The following CDH13 variants were observed in gnomAD, a reference collection of about 807,000 sequenced individuals.
CDH13 encodes the protein cadherin-13.
Under a neutral mutation model 63.8 loss-of-function variants are expected in CDH13, and 24 were observed. The ratio of observed to expected loss-of-function variants is 0.38; its 90% CI spans 0.27 to 0.53. The LOEUF (loss-of-function observed/expected upper bound fraction) is 0.53, where lower values mean the gene tolerates loss of function less well. Among genes scored for constraint, CDH13 ranks in the 20% least tolerant of loss-of-function variants. The pLI, the probability that CDH13 is intolerant of heterozygous loss-of-function variation, is 0.85. For missense variants in CDH13, 1,049 were observed against 903.1 expected, an observed-to-expected ratio of 1.16 and a Z score of -2.07; for synonymous variants, 503 against 355.3, an observed-to-expected ratio of 1.42 and a Z score of -4.67.
chr16:83,770,362 T>C (rs1337247445), intron 11 of CDH13, among the ~76,000 whole-genome samples: 2 of 152,158 alleles, frequency 1.3e-5, no homozygotes, highest in Non-Finnish European at 2.9e-5. Context: ...TTCCATTCAC[T>C]TTATAGAATA....
intron 1 of CDH13, among the ~76,000 whole-genome samples, chr16:82,772,685 A>C (rs143597531): frequency 6.6e-6 from 1 of 152,362 alleles, no homozygotes; most frequent in African/African-American, 2.4e-5. Flanking sequence ...TTTCATCATC[A>C]TCATCCTCAC....
rs538206338 is a variant in CDH13, at chr16:82,866,377, C to CTTTTTTT, written c.157+7927_157+7933dup. On this transcript the variant is annotated intron_variant, in intron 2 of 13. Coordinates refer to ENST00000567109, the MANE Select transcript of CDH13 (RefSeq NM_001257.5). ...TCTGTTTTCTTTTCTTTTTCTTCTT[C>CTTTTTTT]TTTTTTTTTTTTTTTTTTTTTTTTT... 6.8e-3 allele frequency among the ~76,000 whole-genome samples: 395 copies of CTTTTTTT among 58,318 alleles called. 37 individuals are homozygous for CTTTTTTT. The highest frequency in any genetic ancestry group is 0.014 in the Admixed American group (51 of 3,754). 38.3% of individuals were successfully genotyped at this position (58,318 alleles called of 152,430 possible). A position where few individuals can be genotyped will look rare whatever the true frequency, so the allele number is the denominator to read the frequency against.
At position 83,567,196 on chromosome 16, in the gene CDH13, A is replaced by T. The variant is rs368586826; in HGVS notation, c.961-35258A>T. ...ACTCTTCTGGGCTTTCCCAGTGCCC[A>T]GTCATGGCTCTCATCAGTGTATTCT... is the stretch of plus-strand genomic sequence containing the variant. On this transcript the variant is annotated intron_variant, in intron 7 of 13. Coordinates refer to ENST00000567109, the MANE Select transcript of CDH13 (RefSeq NM_001257.5). 1.8e-3 allele frequency among the ~76,000 whole-genome samples: 269 copies of T among 152,360 alleles called. 1 individual carries two copies. The highest frequency in any genetic ancestry group is 6.3e-3 in the African/African-American group (260 of 41,582).
chr16:83,709,084 A>G (rs1248674461), intron 10 of CDH13, among the ~76,000 whole-genome samples: 3 of 152,206 alleles, frequency 2.0e-5, no homozygotes, highest in African/African-American at 7.2e-5. Context: ...CAGGAGGGTC[A>G]GAGTCAGAGA....
intron 2 of CDH13, among the ~76,000 whole-genome samples, chr16:82,950,549 C>T (rs1457788058): frequency 6.6e-6 from 1 of 152,146 alleles, no homozygotes; most frequent in Non-Finnish European, 1.5e-5. Flanking sequence ...TTCTCATTCT[C>T]TTTTTCACTT....
At chr16:82,748,279 T>C (rs1049332015) in intron 1 of CDH13, among the ~76,000 whole-genome samples, 2 of 152,226 alleles carry the variant, frequency 1.3e-5, no homozygotes, top group Non-Finnish European at 2.9e-5. Flanking sequence ...TCAATTCATG[T>C]TCCCATCCAG....
At chr16:82,887,744 C>T (rs1044644660) in intron 2 of CDH13, among the ~76,000 whole-genome samples, 2 of 152,120 alleles carry the variant, frequency 1.3e-5, no homozygotes, top group Admixed American at 1.3e-4. Flanking sequence ...TTGCTTGAAC[C>T]CTGCGGATGA....
chr16:83,509,819 C>T (rs2074514685), intron 7 of CDH13, among the ~76,000 whole-genome samples: 1 of 152,182 alleles, frequency 6.6e-6, no homozygotes, highest in South Asian at 2.1e-4. Flanking sequence ...TTAATTATTA[C>T]TCTCTCTGAG....
chr16:82,886,977 C>T (rs764552615), intron 2 of CDH13, among the ~76,000 whole-genome samples: 4 of 152,100 alleles, frequency 2.6e-5, no homozygotes, highest in Non-Finnish European at 5.9e-5. Flanking sequence ...TTGATGTGTG[C>T]ACCTCTTTCT....
chr16:83,038,265 G>T (rs1917039532), intron 3 of CDH13, among the ~76,000 whole-genome samples: 1 of 152,060 alleles, frequency 6.6e-6, no homozygotes. Flanking sequence ...TGCTACTTAT[G>T]ACCCTGTCTC....
intron 2 of CDH13, among the ~76,000 whole-genome samples, chr16:83,013,802 G>A (rs542154484): frequency 9.9e-5 from 15 of 152,236 alleles, no homozygotes; most frequent in African/African-American, 2.6e-4. Context: ...GGGATGGCCC[G>A]GTCTCTGCAA....
chr16:83,061,466 A>G (rs2031543921), intron 3 of CDH13, among the ~76,000 whole-genome samples: 2 of 152,202 alleles, frequency 1.3e-5, no homozygotes, highest in African/African-American at 4.8e-5. Context: ...TGGGATGAGT[A>G]ACTGGCAGGT....
At chr16:82,733,568 T>C (rs531017796) in intron 1 of CDH13, among the ~76,000 whole-genome samples, 1 of 152,266 alleles carries the variant, frequency 6.6e-6, no homozygotes, top group East Asian at 1.9e-4. Context: ...ATCATCTTGA[T>C]CCTATGAGAC....
chr16:83,617,980 T>C (rs1209620496), intron 8 of CDH13, among the ~76,000 whole-genome samples: 1 of 152,202 alleles, frequency 6.6e-6, no homozygotes, highest in Non-Finnish European at 1.5e-5. Context: ...GAATGTAAGC[T>C]CCTCAAGGAA....
chr16:82,631,750 T>G (rs1216128275), intron 1 of CDH13, among the ~76,000 whole-genome samples: 1 of 152,214 alleles, frequency 6.6e-6, no homozygotes, highest in Non-Finnish European at 1.5e-5. Flanking sequence ...AAAGTCATCT[T>G]TCTCTGCTGA....
rs1192950905 is a variant in CDH13 at position 83,049,323 on chromosome 16, C to CACTTTTTTTTTTTTTTTTTTTTTTTTT, written c.366+17105_366+17106insACTTTTTTTTTTTTTTTTTTTTTTTTT. On this transcript the variant is annotated intron_variant, in intron 3 of 13. Coordinates refer to ENST00000567109, the MANE Select transcript of CDH13 (RefSeq NM_001257.5). ...CAATACTTGGGCATTTATGACTGGC[C>CACTTTTTTTTTTTTTTTTTTTTTTTTT]TCTTTTTTTTTTTTTTTTTTTTTGA... Among the ~76,000 whole-genome samples, 2 of 68,988 alleles carry CACTTTTTTTTTTTTTTTTTTTTTTTTT rather than the reference C, an allele frequency of 2.9e-5. 1 individual carries two copies. The allele number at this position is 68,988 out of a possible 152,430, so 45.3% of individuals were successfully genotyped here.
In CDH13 at chr16:83,704,181, A is replaced by G. The variant is rs34176588; in HGVS notation, c.1538+25720A>G. ...TGATTTCCAGTGTGGTCTGGAGGAG[A>G]AAACTGCCTCGAAGGAAGCTAAGGG... On this transcript the variant is annotated intron_variant, in intron 10 of 13. Transcript: ENST00000567109. Among the ~76,000 whole-genome samples the G allele has an allele frequency of 1.5e-3, 232 of 152,300 alleles. 1 individual carries two copies. Among genetic ancestry groups the G allele is most frequent in the African/African-American group, 5.4e-3 (224 of 41,560 alleles).
intron 2 of CDH13, among the ~76,000 whole-genome samples, chr16:83,016,852 A>G (rs763987662): frequency 1.2e-4 from 18 of 152,198 alleles, no homozygotes; most frequent in Non-Finnish European, 2.4e-4. Flanking sequence ...CATACTGGCT[A>G]CACGTCATTT....
At chr16:82,677,538 A>G (rs1300404618) in intron 1 of CDH13, among the ~76,000 whole-genome samples, 3 of 151,010 alleles carry the variant, frequency 2.0e-5, no homozygotes, top group Non-Finnish European at 4.4e-5. Context: ...ATAAATAACG[A>G]CTAAATTACT....
Sources: gnomAD v4.1 joint callset for allele counts (sites outside exome capture counted in the v4.1 genomes callset) on GRCh38, gnomAD v4.1.1 for gene constraint, MANE v1.5 for transcripts, NCBI Gene and HGNC (gene_info 2026-07-23, HGNC 2026-07-21) for gene names.